The following DDX11 variants were observed in gnomAD, a reference collection of about 807,000 sequenced individuals.
DDX11 encodes DEAD/H-box helicase 11.
DDX11 carries 72 observed loss-of-function variants against 125.2 expected under a neutral mutation model. That is an observed-to-expected ratio of 0.58 (90% CI 0.48 to 0.70). DDX11 has a LOEUF of 0.70. Ranked by LOEUF, DDX11 falls within the 30% of genes least tolerant of loss-of-function variation. DDX11 has a pLI of 0.00. For missense variants in DDX11, 883 were observed against 1,165.0 expected (o/e 0.76, Z 3.52); for synonymous variants, 347 against 452.6 (o/e 0.77, Z 2.96).
At chr12:31,099,958 G>A (rs561160960) in intron 18 of DDX11, among the ~76,000 whole-genome samples, 8 of 152,248 alleles carry the variant, frequency 5.3e-5, no homozygotes, top group African/African-American at 1.9e-4. Context: ...TACACAGAAG[G>A]CATCTTAGTC....
chr12:31,080,815 G>C (rs1440832984), intron 2 of DDX11, among the ~76,000 whole-genome samples: 2 of 152,188 alleles, frequency 1.3e-5, no homozygotes, highest in African/African-American at 4.8e-5. Flanking sequence ...TAAGATCATG[G>C]TTTACTGCAG....
Position 31,103,345 on chromosome 12 carries a change from G to A in DDX11, c.2486G>A (p.Gly829Glu). ...LPRAPGQAPP[G>E]KALVENLCMK... ...AGAGCCCCCGGCCAGGCACCCCCAG[G>A]GAAGGCTCTGGTGGAGAACCTGTGC... The change falls in exon 25 of 27, where the codon GGG becomes GAG. Residue 829 changes from glycine (G) to glutamate (E), a missense_variant. By Grantham distance (98) the Gly-to-Glu change is moderately conservative. Coordinates refer to ENST00000542838, the MANE Select transcript of DDX11 (RefSeq NM_030653.4). 5.6e-6 allele frequency: 9 copies of A among 1,611,240 alleles called. No individual in the cohort carries two copies. The highest frequency in any genetic ancestry group is 7.6e-6 in the Non-Finnish European group (9 of 1,179,656).
At chr12:31,100,836 C>G (rs938858404) in intron 19 of DDX11, 129 bp downstream of exon 19, 1 of 1,123,826 alleles carries the variant, frequency 8.9e-7, no homozygotes, top group Non-Finnish European at 1.3e-6. Flanking sequence ...CCTCACCCTT[C>G]GTGCGCTCGC....
rs540457337 is a variant in DDX11, at chr12:31,096,579, G to T, written c.1522-58G>T. 4.8e-5 allele frequency: 77 copies of T among 1,599,074 alleles called. 2 individuals carry two copies. In the South Asian group the frequency reaches 7.6e-4, roughly 16 times the overall value. On this transcript the variant is annotated intron_variant, in intron 15 of 26. Transcript: ENST00000542838. ...CCTGGCAGAGCCTCCGATCCACCCA[G>T]CCTCTCTCTCATGGCTGTACCTCGT...
chr12:31,102,999 G>T lies in DDX11; in HGVS notation c.2436G>T (p.Met812Ile), dbSNP rs758200546. 1.8e-5 allele frequency: 29 copies of T among 1,613,782 alleles called. No individual in the cohort carries two copies. In the South Asian group the frequency reaches 2.9e-4, roughly 16 times the overall value. The part of the protein sequence containing the change: ...NIRSAELQEK[M>I]AYLDQTLPRA... ...GGTCTGCAGAGCTGCAGGAGAAGAT[G>T]GCCTACTTGGATCAAACCCTCGTGA... The change falls in exon 24 of 27, where the codon ATG becomes ATT. Residue 812 changes from methionine (M) to isoleucine (I), a missense_variant. By Grantham distance (10) the Met-to-Ile change is conservative. Coordinates refer to ENST00000542838, the MANE Select transcript of DDX11 (RefSeq NM_030653.4).
intron 23 of DDX11, 149 bp from the exon 24 acceptor site, chr12:31,102,787 C>T (rs1467640818): frequency 2.6e-6 from 2 of 772,604 alleles, no homozygotes; most frequent in Non-Finnish European, 4.5e-6. Context: ...AAGCCCTCTC[C>T]AGGTGGTAGG....
intron 5 of DDX11, 58 bp from the exon 6 acceptor site, chr12:31,087,880 T>G: frequency 6.3e-7 from 1 of 1,575,192 alleles, no homozygotes; most frequent in Non-Finnish European, 8.6e-7. Context: ...AGATGCTCAG[T>G]GCGTTTTGCT....
At chr12:31,098,370 T>G (rs1374197797) in intron 18 of DDX11, among the ~76,000 whole-genome samples, 10 of 152,296 alleles carry the variant, frequency 6.6e-5, no homozygotes, top group African/African-American at 2.4e-4. Flanking sequence ...CATAGCTGTT[T>G]TAAAAACAAA....
chr12:31,096,564 C>G, intron 15 of DDX11, 73 bp from the exon 16 acceptor site: 1 of 1,589,082 alleles, frequency 6.3e-7, no homozygotes, highest in East Asian at 2.3e-5. Context: ...CCTGGCAGAG[C>G]CTCCGATCCA....
In DDX11 at chr12:31,083,968, G is replaced by T; in HGVS notation, c.300G>T (p.Gly100=). Residue 100 remains glycine (G), a synonymous_variant, in exon 3 of 27, where the codon GGG becomes GGT. Coordinates refer to ENST00000542838, the MANE Select transcript of DDX11 (RefSeq NM_030653.4). ...ESLCLSSSCE[G]AAGTPRPAGE... ...TGTGTCTGTCTTCTTCCTGCGAAGG[G>T]GCTGCAGGCACCCCGAGGCCTGCTG... is the stretch of plus-strand genomic sequence containing the variant. The T allele has an allele frequency of 6.2e-7, 1 of 1,613,970 alleles. No individual in the cohort carries two copies. The highest frequency in any genetic ancestry group is 8.5e-7 in the Non-Finnish European group (1 of 1,179,870).
chr12:31,102,351 G>A, intron 22 of DDX11, 40 bp downstream of exon 22: 2 of 1,610,028 alleles, frequency 1.2e-6, no homozygotes, highest in South Asian at 1.1e-5. Context: ...AGATCGTGTG[G>A]GGGTGGCAGC....
chr12:31,089,948 T>C lies in DDX11; in HGVS notation c.943T>C (p.Cys315Arg). ...KRRRQEKQAACPFYNHEQMGL... is the reference protein window; with the variant it reads ...KRRRQEKQAARPFYNHEQMGL... ...GAGGAGGCAGGAGAAGCAGGCAGCC[T>C]GCCCCTTCTACAACCACGAGCAGAT... The change falls in exon 9 of 27, where the codon TGC (cysteine) becomes CGC (arginine). Residue 315 changes from cysteine (C) to arginine (R), a missense_variant. Around this residue, in one of 5 missense-constraint regions of DDX11, gnomAD observed 72 missense variants for 159.7 expected, o/e 0.45. Coordinates refer to ENST00000542838, the MANE Select transcript of DDX11 (RefSeq NM_030653.4). 6.2e-7 allele frequency: 1 copy of C among 1,601,880 alleles called. No homozygotes were observed. Among genetic ancestry groups the C allele is most frequent in the East Asian group, 2.3e-5 (1 of 44,396 alleles).
At chr12:31,102,187 A>T in intron 21 of DDX11, 56 bp from the exon 22 acceptor site, 1 of 1,588,716 alleles carries the variant, frequency 6.3e-7, no homozygotes, top group Non-Finnish European at 8.6e-7. Flanking sequence ...CCACGAGCAG[A>T]CTCGAGACCT....
At position 31,084,924 on chromosome 12, in the gene DDX11, G is replaced by C. The variant is rs752225221; in HGVS notation, c.481-45G>C. On this transcript the variant is annotated intron_variant, in intron 4 of 26. Transcript: ENST00000542838. ...GGCATGTGGGGAGGTGGGTACTGGT[G>C]CTGAGACTTCTTCCTCCCTCACCAC... 3 of 1,569,444 alleles carry C rather than the reference G, an allele frequency of 1.9e-6. No homozygotes were observed. The Admixed American group carries it at 5.5e-5, about 29-fold the overall frequency.
At chr12:31,083,435 CCTGGGATTTCTTG>C (rs1417224032) in intron 2 of DDX11, among the ~76,000 whole-genome samples, 1 of 152,280 alleles carries the variant, frequency 6.6e-6, no homozygotes, top group Admixed American at 6.5e-5. Flanking sequence ...TTGGCGAGTA[CCTGGGATTTCTTG>C]CTCAGCATTT....
chr12:31,095,004 G>T (rs1307579301), intron 14 of DDX11, among the ~76,000 whole-genome samples, 182 bp downstream of exon 14: 1 of 152,192 alleles, frequency 6.6e-6, no homozygotes, highest in African/African-American at 2.4e-5. Flanking sequence ...AGGCCACAGG[G>T]ATGAGGGATG....
Position 31,101,984 on chromosome 12 carries a change from T to G in DDX11, c.2202+2T>G, listed in dbSNP as rs1397750554. ...GGCCGTCTGGCTGCCAGGAAGAAGG[T>G]GAGTGGCCTGTCGGCAGCCTTCCCA... On this transcript the variant is annotated splice_donor_variant, in intron 21 of 26. Coordinates refer to ENST00000542838, the MANE Select transcript of DDX11 (RefSeq NM_030653.4). LOFTEE classifies it high-confidence loss of function. The G allele has an allele frequency of 6.2e-7, 1 of 1,611,148 alleles. No individual in the cohort carries two copies. Among genetic ancestry groups the G allele is most frequent in the Non-Finnish European group, 8.5e-7 (1 of 1,179,066 alleles).
rs746734517 is a variant in DDX11, at chr12:31,093,322, G to A, written c.1367G>A (p.Gly456Glu). ...CTGGAGAAATTCGTGGCTGTGCTAGGGGGTGAGAGCCTCGTCCCCCTGCTG... is the reference window on the plus strand; with the variant it reads ...CTGGAGAAATTCGTGGCTGTGCTAGAGGGTGAGAGCCTCGTCCCCCTGCTG... ...YLLEKFVAVL[G>E]GNIKQNPNTQ... The change falls in exon 12 of 27, where the codon GGG becomes GAG. Residue 456 changes from glycine (G) to glutamate (E), a missense_variant and splice_region_variant. By Grantham distance (98) the Gly-to-Glu change is moderately conservative. Transcript: ENST00000542838. 5 of 1,613,816 alleles carry A rather than the reference G, an allele frequency of 3.1e-6. No individual in the cohort carries two copies. The highest frequency in any genetic ancestry group is 3.3e-4 in the Middle Eastern group (2 of 6,056).
rs376576203 is a variant in DDX11 at position 31,097,873 on chromosome 12, C to G, written c.1763-12C>G. 3 of 1,597,428 alleles carry G rather than the reference C, an allele frequency of 1.9e-6. No individual in the cohort carries two copies. Among genetic ancestry groups the G allele is most frequent in the African/African-American group, 1.4e-5 (1 of 74,032 alleles). ...GGGCTTGCACTCACCTCCCACCGAT[C>G]TGTTTTTCCAGGCAGCCTCAGTCAG... On this transcript the variant is annotated splice_polypyrimidine_tract_variant and intron_variant, in intron 17 of 26. Coordinates refer to ENST00000542838, the MANE Select transcript of DDX11 (RefSeq NM_030653.4).
Sources: gnomAD v4.1 joint callset for allele counts (sites outside exome capture counted in the v4.1 genomes callset) on GRCh38, gnomAD v4.1.1 for gene constraint, gnomAD v4.1.1 regional missense constraint, MANE v1.5 for transcripts, NCBI Gene and HGNC (gene_info 2026-07-23, HGNC 2026-07-21) for gene names.